The following NEDD9 variants were observed in gnomAD, a reference collection of about 807,000 sequenced individuals.
NEDD9 encodes the protein enhancer of filamentation 1.
Under a neutral mutation model 76.6 loss-of-function variants are expected in NEDD9, and 26 were observed. That is an observed-to-expected ratio of 0.34 (90% CI 0.25 to 0.47). The LOEUF (loss-of-function observed/expected upper bound fraction) is 0.47, where lower values mean the gene tolerates loss of function less well. NEDD9 is among the 20% of genes least tolerant of loss of function. NEDD9 has a pLI of 1.00. For missense variants in NEDD9, 937 were observed against 1,058.5 expected (o/e 0.89, Z 1.59); for synonymous variants, 392 against 414.2 (o/e 0.95, Z 0.65).
intron 1 of NEDD9, among the ~76,000 whole-genome samples, chr6:11,218,490 A>C (rs914506827): frequency 1.3e-5 from 2 of 152,036 alleles, no homozygotes; most frequent in African/African-American, 2.4e-5. Context: ...GTTCTCGATC[A>C]TACTATTTCT....
At chr6:11,338,294 C>T (rs190220802) in intron 1 of NEDD9, among the ~76,000 whole-genome samples, 175 of 152,266 alleles carry the variant, frequency 1.1e-3, no homozygotes, top group African/African-American at 3.8e-3. Flanking sequence ...ATGCCAAAGA[C>T]GGCCAGCAAA....
chr6:11,289,524 C>A (rs1760720454), intron 3 of NEDD9, among the ~76,000 whole-genome samples: 1 of 152,182 alleles, frequency 6.6e-6, no homozygotes, highest in South Asian at 2.1e-4. Context: ...GCGATCTTGG[C>A]TCACCTCAAC....
chr6:11,305,970 G>T, intron 3 of NEDD9: 1 of 1,613,380 alleles, frequency 6.2e-7, no homozygotes, highest in South Asian at 1.1e-5. Flanking sequence ...CAAATTGTCT[G>T]TTTTTTTCTA....
intron 2 of NEDD9, among the ~76,000 whole-genome samples, chr6:11,322,093 A>T (rs1213005396): frequency 3.3e-5 from 5 of 152,148 alleles, no homozygotes; most frequent in African/African-American, 1.2e-4. Context: ...ACCAAACACC[A>T]CATGTTCTCA....
intron 2 of NEDD9, among the ~76,000 whole-genome samples, chr6:11,329,057 C>T (rs1386603215): frequency 6.6e-6 from 1 of 152,220 alleles, no homozygotes; most frequent in Non-Finnish European, 1.5e-5. Context: ...GAGGCACAAG[C>T]ATGACATCAT....
chr6:11,301,328 A>G (rs184264853), intron 3 of NEDD9, among the ~76,000 whole-genome samples: 1 of 152,362 alleles, frequency 6.6e-6, no homozygotes, highest in East Asian at 1.9e-4. Flanking sequence ...TATCCTAAAT[A>G]TATATGCACC....
chr6:11,285,936 G>A (rs1760638862), intron 3 of NEDD9, among the ~76,000 whole-genome samples: 1 of 151,972 alleles, frequency 6.6e-6, no homozygotes, highest in Non-Finnish European at 1.5e-5. Context: ...GGGTAGGCAA[G>A]GATTTCTTAG....
rs188235486 is a variant in NEDD9, at chr6:11,374,324, C to T, written c.-214+7815G>A. Among the ~76,000 whole-genome samples the T allele has an allele frequency of 2.7e-3, 408 of 152,196 alleles. 5 individuals are homozygous for T. Among genetic ancestry groups the T allele is most frequent in the East Asian group, 1.2e-3 (6 of 5,180 alleles). On this transcript the variant is annotated intron_variant, in intron 1 of 3. Coordinates refer to the NEDD9 transcript ENST00000397378. Reference sequence around the variant, plus strand: ...GAGCATTACTTCCTTAATGTTTCGACGATTATATGATGCAAAGCACCTGCA... The same window carrying T: ...GAGCATTACTTCCTTAATGTTTCGATGATTATATGATGCAAAGCACCTGCA...
At chr6:11,372,632 C>G (rs758277867) in intron 1 of NEDD9, among the ~76,000 whole-genome samples, 29 of 152,148 alleles carry the variant, frequency 1.9e-4, no homozygotes, top group Non-Finnish European at 4.1e-4. Context: ...TGAGGGTTCC[C>G]TTTTCTTCAC....
chr6:11,262,338 A>T (rs1392107289), intron 3 of NEDD9, among the ~76,000 whole-genome samples: 1 of 152,172 alleles, frequency 6.6e-6, no homozygotes, highest in Non-Finnish European at 1.5e-5. Context: ...TTAGTGACAG[A>T]TTGGTGGCAA....
intron 3 of NEDD9, among the ~76,000 whole-genome samples, chr6:11,302,039 GAC>G (rs1020064991): frequency 5.1e-4 from 78 of 151,554 alleles, no homozygotes; most frequent in African/African-American, 1.7e-3. Context: ...AGGAGAGAGA[GAC>G]ACAAAAAACC....
chr6:11,235,818 G>T (rs1417502051), upstream of NEDD9, among the ~76,000 whole-genome samples: 1 of 152,128 alleles, frequency 6.6e-6, no homozygotes, highest in Non-Finnish European at 1.5e-5. The surrounding 1 kb of genome is among the most constrained non-coding windows in gnomAD (Gnocchi z 4.1). Context: ...TTAGCGTGGG[G>T]TACACAGGGC....
intron 3 of NEDD9, among the ~76,000 whole-genome samples, chr6:11,293,568 T>C (rs1244398727): frequency 6.6e-6 from 1 of 152,170 alleles, no homozygotes; most frequent in Non-Finnish European, 1.5e-5. Flanking sequence ...TGTGAAATAA[T>C]TACCACAACC....
At chr6:11,223,914 A>G (rs1205029934) in intron 1 of NEDD9, among the ~76,000 whole-genome samples, 1 of 152,230 alleles carries the variant, frequency 6.6e-6, no homozygotes, top group African/African-American at 2.4e-5. Flanking sequence ...GGGAGATGGG[A>G]TAATGCCTTC....
At chr6:11,318,424 G>T (rs539910970) in intron 2 of NEDD9, among the ~76,000 whole-genome samples, 1 of 152,188 alleles carries the variant, frequency 6.6e-6, no homozygotes, top group Non-Finnish European at 1.5e-5. Flanking sequence ...TGCTTTGCAA[G>T]TGTGGGGAGA....
chr6:11,291,267 GTTTTTTTT>G (rs869185428), intron 3 of NEDD9, among the ~76,000 whole-genome samples: 3 of 95,830 alleles, frequency 3.1e-5, no homozygotes, highest in East Asian at 3.3e-4. Context: ...ATAGAATGAG[GTTTTTTTT>G]TTTTTTTTTT....
chr6:11,334,479 T>C (rs1248001055), intron 2 of NEDD9: 3 of 152,226 alleles, frequency 2.0e-5, no homozygotes, highest in African/African-American at 7.2e-5. Context: ...GTTTAGACTA[T>C]TGGTCATAAT....
chr6:11,367,381 G>C (rs551894183), intron 1 of NEDD9, among the ~76,000 whole-genome samples: 1 of 152,306 alleles, frequency 6.6e-6, no homozygotes, highest in Admixed American at 6.5e-5. Context: ...GTCTGTTAAA[G>C]TTATTATATG....
intron 1 of NEDD9, among the ~76,000 whole-genome samples, chr6:11,345,378 T>C (rs984844783): frequency 1.3e-5 from 2 of 152,170 alleles, no homozygotes; most frequent in South Asian, 4.1e-4. Flanking sequence ...GTCAGGGTTT[T>C]GAGTTACTTG....
Sources: gnomAD v4.1 joint callset for allele counts (sites outside exome capture counted in the v4.1 genomes callset) on GRCh38, gnomAD v4.1.1 for gene constraint, Gnocchi (gnomAD v3.1) non-coding constraint, MANE v1.5 for transcripts, NCBI Gene and HGNC (gene_info 2026-07-23, HGNC 2026-07-21) for gene names.